TMEM236: variants seen among roughly 807,000 people sequenced by gnomAD.
TMEM236 encodes family with sequence similarity 23, member A.
A neutral mutation model predicts 14.7 loss-of-function variants in TMEM236; 11 were observed. That is an observed-to-expected ratio of 0.75 (90% confidence interval 0.47 to 1.24). The LOEUF is 1.24. Ranked by LOEUF, TMEM236 falls within the 50% of genes most tolerant of loss-of-function variation. The probability of loss-of-function intolerance (pLI) is 0.00; values close to 1 mark genes in which losing one functional copy is unlikely to be tolerated. For synonymous variants in TMEM236, 182 were observed against 168.6 expected (o/e 1.08, Z -0.62); for missense variants, 464 against 427.3 (o/e 1.09, Z -0.76).
chr10:17,768,757 G>A (rs573775814), intron 1 of TMEM236, among the ~76,000 whole-genome samples: 7 of 151,924 alleles, frequency 4.6e-5, no homozygotes, highest in Admixed American at 2.0e-4. Flanking sequence ...GTGTGTGTGT[G>A]TGTGCCTGTA....
chr10:17,767,770 A>G (rs1357091642), intron 1 of TMEM236, among the ~76,000 whole-genome samples: 1 of 152,230 alleles, frequency 6.6e-6, no homozygotes, highest in Non-Finnish European at 1.5e-5. Flanking sequence ...ACTTTATTAC[A>G]TAGAGCTTTT....
intron 2 of TMEM236, among the ~76,000 whole-genome samples, chr10:17,773,588 T>G (rs1470847742): frequency 6.6e-6 from 1 of 152,190 alleles, no homozygotes; most frequent in African/African-American, 2.4e-5. Flanking sequence ...TCCACCCGCC[T>G]CGGCCTCCCA....
At chr10:17,762,700 C>T (rs1294907166) in intron 1 of TMEM236, among the ~76,000 whole-genome samples, 2 of 148,226 alleles carry the variant, frequency 1.3e-5, no homozygotes, top group Non-Finnish European at 3.0e-5. Flanking sequence ...CAGGGTCTTG[C>T]TCTGTCACCC....
chr10:17,767,926 T>TC (rs1481558539), intron 1 of TMEM236, among the ~76,000 whole-genome samples: 1 of 151,386 alleles, frequency 6.6e-6, no homozygotes, highest in Non-Finnish European at 1.5e-5. Context: ...TTTTTTTTTT[T>TC]TGAGACAGTG....
intron 3 of TMEM236, among the ~76,000 whole-genome samples, chr10:17,780,074 G>A (rs1837722263): frequency 6.6e-6 from 1 of 152,152 alleles, no homozygotes; most frequent in South Asian, 2.1e-4. Context: ...CCCTTAGAGT[G>A]TATATGTACC....
At chr10:17,755,089 C>A (rs1230194094) in intron 1 of TMEM236, among the ~76,000 whole-genome samples, 1 of 151,700 alleles carries the variant, frequency 6.6e-6, no homozygotes, top group Non-Finnish European at 1.5e-5. Context: ...CAGGGTCCTG[C>A]CACCACTCCC....
intron 1 of TMEM236, among the ~76,000 whole-genome samples, chr10:17,757,668 C>A (rs1026213654): frequency 0.011 from 1,595 of 150,954 alleles, 28 homozygotes; most frequent in African/African-American, 0.036. Flanking sequence ...TGATTCCATA[C>A]AATTTCCTGT....
chr10:17,779,402 G>A (rs1226191314), intron 3 of TMEM236, among the ~76,000 whole-genome samples: 1 of 151,948 alleles, frequency 6.6e-6, no homozygotes, highest in Non-Finnish European at 1.5e-5. Flanking sequence ...GTACACACTG[G>A]TTTGAGGCTC....
chr10:17,771,521 T>C, intron 2 of TMEM236, 140 bp downstream of exon 2: 2 of 815,130 alleles, frequency 2.5e-6, no homozygotes, highest in Non-Finnish European at 4.1e-6. Flanking sequence ...CAATATATGT[T>C]ATTTAAAGTA....
At chr10:17,758,585 C>T (rs1564592154) in intron 1 of TMEM236, among the ~76,000 whole-genome samples, 1 of 152,114 alleles carries the variant, frequency 6.6e-6, no homozygotes, top group Admixed American at 6.6e-5. Context: ...TAAGATCATG[C>T]GTGTAAAGTT....
At chr10:17,781,232 C>T (rs1184225724) in intron 3 of TMEM236, among the ~76,000 whole-genome samples, 1 of 152,130 alleles carries the variant, frequency 6.6e-6, no homozygotes, top group African/African-American at 2.4e-5. Context: ...GAGTGCTTTT[C>T]ATTAAAAGGA....
chr10:17,752,217 G>C lies in TMEM236; in HGVS notation c.-79G>C, dbSNP rs1837219828. 4 of 1,611,962 alleles carry C rather than the reference G, an allele frequency of 2.5e-6. No homozygotes were observed. Among genetic ancestry groups the C allele is most frequent in the Admixed American group, 1.7e-5 (1 of 59,936 alleles). ...TTCGAGGACAAGGAACTTGATCCCA[G>C]TTCAGTGTCTGTGGGTCCATATGCT... is the stretch of plus-strand genomic sequence containing the variant. On this transcript the variant is annotated 5_prime_UTR_variant, in exon 1 of 4. Coordinates refer to ENST00000377495, the MANE Select transcript of TMEM236 (RefSeq NM_001098844.3).
At chr10:17,794,540 G>GAC (rs1485463603) in intron 3 of TMEM236, among the ~76,000 whole-genome samples, 1 of 151,556 alleles carries the variant, frequency 6.6e-6, no homozygotes, top group African/African-American at 2.4e-5. Flanking sequence ...GGAACACACA[G>GAC]ACACACACAC....
chr10:17,796,445 T>TA lies in TMEM236; in HGVS notation c.998dup (p.Tyr333Ter). Residue 333 changes from tyrosine to a stop codon, truncating the protein, a stop_gained and frameshift_variant, in exon 4 of 4, where the codon TAC (tyrosine) becomes TAAC (stop). Coordinates refer to ENST00000377495, the MANE Select transcript of TMEM236 (RefSeq NM_001098844.3). LOFTEE classifies it high-confidence loss of function. The stretch of plus-strand genomic sequence containing the variant: ...TATCCTCGTGACTCTCTCTTACATT[T>TA]ACTTCAATTACCTAACCAGAATCAG... ...KNILVTLSYI[Y>*]FNYLTRIRIF... 6.2e-7 allele frequency: 1 copy of TA among 1,613,842 alleles called. No individual in the cohort carries two copies. The highest frequency in any genetic ancestry group is 1.1e-5 in the South Asian group (1 of 91,072).
intron 1 of TMEM236, among the ~76,000 whole-genome samples, chr10:17,755,567 T>A (rs1159263461): frequency 6.6e-6 from 1 of 151,976 alleles, no homozygotes; most frequent in African/African-American, 2.4e-5. Context: ...ATCAGTAGGG[T>A]TTAGGGGCTT....
At chr10:17,786,668 G>A (rs957868512) in intron 3 of TMEM236, among the ~76,000 whole-genome samples, 1 of 152,164 alleles carries the variant, frequency 6.6e-6, no homozygotes, top group Non-Finnish European at 1.5e-5. Flanking sequence ...GTGCATAGGT[G>A]GGGGGACTGG....
At chr10:17,785,928 A>G (rs931638897) in intron 3 of TMEM236, among the ~76,000 whole-genome samples, 58 of 152,316 alleles carry the variant, frequency 3.8e-4, no homozygotes, top group African/African-American at 1.3e-3. Context: ...AGCTGTCTGG[A>G]TTAGACCCAT....
chr10:17,780,483 A>G (rs975585538), intron 3 of TMEM236, among the ~76,000 whole-genome samples: 7,198 of 152,228 alleles, frequency 0.047, 577 homozygotes, highest in African/African-American at 0.16. Context: ...CTAAAGTACT[A>G]TGGTGCCACA....
chr10:17,790,359 A>G (rs931812754), intron 3 of TMEM236, among the ~76,000 whole-genome samples: 41 of 152,308 alleles, frequency 2.7e-4, no homozygotes, highest in African/African-American at 8.4e-4. Context: ...GTCTTCCACA[A>G]TTCCTAGTAC....
Sources: gnomAD v4.1 joint callset for allele counts (sites outside exome capture counted in the v4.1 genomes callset) on GRCh38, gnomAD v4.1.1 for gene constraint, MANE v1.5 for transcripts, NCBI Gene and HGNC (gene_info 2026-07-23, HGNC 2026-07-21) for gene names.